ZNF407: variants seen among roughly 807,000 people sequenced by gnomAD.
The protein encoded by ZNF407 is zinc finger protein 407.
In ZNF407, 17 loss-of-function variants were observed where a neutral mutation model predicts 131.2. The observed-to-expected ratio is 0.13, with a 90% confidence interval of 0.09 to 0.19. The LOEUF (loss-of-function observed/expected upper bound fraction) is 0.19. ZNF407 is among the 10% of genes least tolerant of loss of function. The pLI is 1.00. For synonymous variants in ZNF407, 1,156 were observed against 1,062.0 expected (o/e 1.09, Z -1.72); for missense variants, 2,681 against 2,830.6 (o/e 0.95, Z 1.20).
intron 3 of ZNF407, among the ~76,000 whole-genome samples, chr18:74,695,764 A>G (rs1306146876): frequency 2.6e-5 from 4 of 152,184 alleles, no homozygotes; most frequent in African/African-American, 4.8e-5. Flanking sequence ...ATTTTGTTCT[A>G]AGCGTGTTCA....
Position 74,632,018 on chromosome 18 carries a change from T to C in ZNF407, c.999T>C (p.Ser333=), listed in dbSNP as rs201043970. The change falls in exon 2 of 9, where the codon AGT becomes AGC. Residue 333 remains serine (S), a synonymous_variant. Coordinates refer to ENST00000299687, the MANE Select transcript of ZNF407 (RefSeq NM_017757.3). ...VGSTFKDFRG[S]ISKQSGSSSE... ...GCACGTTTAAAGATTTCAGAGGAAG[T>C]ATTTCTAAACAAAGTGGTAGTAGCA... 21 of 1,613,910 alleles carry C rather than the reference T, an allele frequency of 1.3e-5. No individual in the cohort carries two copies. The highest frequency in any genetic ancestry group is 1.8e-5 in the Non-Finnish European group (21 of 1,179,872).
At chr18:74,629,192 C>G (rs1051881366) in intron 1 of ZNF407, among the ~76,000 whole-genome samples, 6 of 152,158 alleles carry the variant, frequency 3.9e-5, no homozygotes, top group African/African-American at 1.4e-4. Flanking sequence ...ATGAGGGTTC[C>G]AGTTTTTCCA....
intron 8 of ZNF407, among the ~76,000 whole-genome samples, chr18:75,036,609 C>T (rs1028616292): frequency 3.9e-5 from 6 of 152,158 alleles, no homozygotes; most frequent in East Asian, 3.8e-4. Flanking sequence ...TGACAACAAG[C>T]GACTTTTCTT....
At chr18:74,944,933 G>A (rs980227960) in intron 8 of ZNF407, among the ~76,000 whole-genome samples, 2 of 150,490 alleles carry the variant, frequency 1.3e-5, no homozygotes, top group Non-Finnish European at 2.9e-5. Flanking sequence ...TGAGGAGTGT[G>A]CATTTTTTTG....
At chr18:74,627,216 C>T (rs1983821936) in intron 1 of ZNF407, among the ~76,000 whole-genome samples, 1 of 152,170 alleles carries the variant, frequency 6.6e-6, no homozygotes, top group African/African-American at 2.4e-5. Flanking sequence ...CCAGAAGCAG[C>T]TGCCCTGGGT....
At chr18:74,976,089 G>C (rs1256530964) in intron 8 of ZNF407, among the ~76,000 whole-genome samples, 1 of 152,192 alleles carries the variant, frequency 6.6e-6, no homozygotes, top group Non-Finnish European at 1.5e-5. Flanking sequence ...AAAGATAGAT[G>C]CTACTGAATT....
chr18:74,636,024 A>G (rs957463739), intron 2 of ZNF407, among the ~76,000 whole-genome samples: 3 of 152,052 alleles, frequency 2.0e-5, no homozygotes, highest in African/African-American at 7.2e-5. Context: ...TAATTATTTG[A>G]TTTTCCAAAG....
intron 8 of ZNF407, among the ~76,000 whole-genome samples, chr18:75,002,219 A>G (rs1972853542): frequency 6.6e-6 from 1 of 152,248 alleles, no homozygotes; most frequent in South Asian, 2.1e-4. Context: ...TTTGACTGTT[A>G]GAGCTCCTCG....
chr18:74,642,966 T>C (rs750959269), intron 3 of ZNF407, among the ~76,000 whole-genome samples: 1 of 152,158 alleles, frequency 6.6e-6, no homozygotes, highest in Non-Finnish European at 1.5e-5. Context: ...ACAGTGACGC[T>C]GAGAGTTCTG....
At chr18:75,022,915 GAC>G (rs1973127427) in intron 8 of ZNF407, among the ~76,000 whole-genome samples, 1 of 152,182 alleles carries the variant, frequency 6.6e-6, no homozygotes, top group Non-Finnish European at 1.5e-5. Flanking sequence ...CAATAGCAAA[GAC>G]ACGGAGTTGA....
chr18:74,674,790 G>C (rs1468592156), intron 3 of ZNF407, among the ~76,000 whole-genome samples: 1 of 152,166 alleles, frequency 6.6e-6, no homozygotes, highest in Admixed American at 6.5e-5. Flanking sequence ...CTATGTTTCT[G>C]CTTACGAAGA....
intron 8 of ZNF407, among the ~76,000 whole-genome samples, chr18:74,984,076 T>C (rs1200402074): frequency 5.3e-5 from 8 of 152,254 alleles, no homozygotes; most frequent in Non-Finnish European, 8.8e-5. Flanking sequence ...ATCTCTCTTC[T>C]TTTATAGAAA....
intron 3 of ZNF407, among the ~76,000 whole-genome samples, chr18:74,718,014 C>T (rs1389474267): frequency 6.6e-6 from 1 of 151,856 alleles, no homozygotes; most frequent in Admixed American, 6.6e-5. Context: ...TATTTTTAAA[C>T]CCTTGTTCAT....
chr18:74,902,244 G>C (rs1015130099), intron 7 of ZNF407, among the ~76,000 whole-genome samples: 1 of 152,106 alleles, frequency 6.6e-6, no homozygotes. Flanking sequence ...CCTGGGCCGG[G>C]GCTCACATTA....
At chr18:75,024,552 A>G (rs1166060211) in intron 8 of ZNF407, among the ~76,000 whole-genome samples, 1 of 152,198 alleles carries the variant, frequency 6.6e-6, no homozygotes, top group Non-Finnish European at 1.5e-5. Context: ...TCTATTAAAC[A>G]TTTCAACTAG....
chr18:75,010,305 C>A (rs753588609), intron 8 of ZNF407, among the ~76,000 whole-genome samples: 4 of 152,036 alleles, frequency 2.6e-5, no homozygotes, highest in Non-Finnish European at 5.9e-5. Flanking sequence ...CTGGCCAGGT[C>A]GAGTGTGGGA....
intron 4 of ZNF407, among the ~76,000 whole-genome samples, chr18:74,792,985 C>G (rs1969854106): frequency 6.6e-6 from 1 of 152,146 alleles, no homozygotes; most frequent in Non-Finnish European, 1.5e-5. Flanking sequence ...TTGCTATTGA[C>G]TTTTGTAGAT....
At chr18:74,802,163 T>C (rs987524548) in intron 4 of ZNF407, among the ~76,000 whole-genome samples, 3 of 152,214 alleles carry the variant, frequency 2.0e-5, no homozygotes, top group African/African-American at 7.2e-5. Context: ...CATATAGTTA[T>C]ACTACGTACA....
intron 6 of ZNF407, among the ~76,000 whole-genome samples, chr18:74,883,977 T>G (rs1166201889): frequency 1.3e-5 from 2 of 152,214 alleles, no homozygotes; most frequent in African/African-American, 4.8e-5. Context: ...CCCTGTTGAC[T>G]TACAGATAAC....
Sources: gnomAD v4.1 joint callset for allele counts (sites outside exome capture counted in the v4.1 genomes callset) on GRCh38, gnomAD v4.1.1 for gene constraint, MANE v1.5 for transcripts, NCBI Gene and HGNC (gene_info 2026-07-23, HGNC 2026-07-21) for gene names.